PLAAT1: variants seen among roughly 807,000 people sequenced by gnomAD.
PLAAT1 encodes phospholipase A and acyltransferase 1.
In PLAAT1, 13 loss-of-function variants were observed where a neutral mutation model predicts 16.4. That is an observed-to-expected ratio of 0.79 (90% CI 0.52 to 1.26). PLAAT1 has a LOEUF of 1.26. Ranked by LOEUF, PLAAT1 falls within the 50% of genes most tolerant of loss-of-function variation. PLAAT1 has a pLI of 0.00. For synonymous variants in PLAAT1, 73 were observed against 78.4 expected, an observed-to-expected ratio of 0.93 and a Z score of 0.36; for missense variants, 218 against 207.8, an observed-to-expected ratio of 1.05 and a Z score of -0.30.
intron 1 of PLAAT1, among the ~76,000 whole-genome samples, chr3:193,248,083 G>A (rs1006937986): frequency 6.6e-6 from 1 of 151,942 alleles, no homozygotes; most frequent in Non-Finnish European, 1.5e-5. Flanking sequence ...TTATGTATTC[G>A]GTGCTTTGAT....
At chr3:193,245,667 G>A (rs556232516) in intron 1 of PLAAT1, among the ~76,000 whole-genome samples, 6 of 152,286 alleles carry the variant, frequency 3.9e-5, no homozygotes, top group African/African-American at 1.4e-4. Flanking sequence ...CGATATACAA[G>A]GGTTTCCTTT....
intron 2 of PLAAT1, among the ~76,000 whole-genome samples, chr3:193,262,595 T>A (rs965088390): frequency 6.6e-6 from 1 of 152,092 alleles, no homozygotes; most frequent in African/African-American, 2.4e-5. Flanking sequence ...AAAAACTGCC[T>A]TATAGAAAAA....
At chr3:193,254,872 C>G (rs1484016703) in intron 1 of PLAAT1, among the ~76,000 whole-genome samples, 2 of 152,146 alleles carry the variant, frequency 1.3e-5, no homozygotes, top group Admixed American at 6.6e-5. Context: ...CCTATACATG[C>G]TACACTACAC....
intron 1 of PLAAT1, among the ~76,000 whole-genome samples, chr3:193,247,045 T>C (rs1029714881): frequency 6.6e-6 from 1 of 152,200 alleles, no homozygotes; most frequent in Non-Finnish European, 1.5e-5. Flanking sequence ...TTATTATTGG[T>C]CTACTCAGAT....
At chr3:193,240,686 G>GTGTGTGTGTGTGTGTGTGT (rs1715685085), upstream of PLAAT1, among the ~76,000 whole-genome samples, 2 of 47,154 alleles carry the variant, frequency 4.2e-5, no homozygotes, top group African/African-American at 1.7e-4. Context: ...TGTGTGTGTG[G>GTGTGTGTGTGTGTGTGTGT]TTGGAGGTCT....
chr3:193,247,394 A>G (rs1296889383), intron 1 of PLAAT1, among the ~76,000 whole-genome samples: 1 of 152,208 alleles, frequency 6.6e-6, no homozygotes, highest in Non-Finnish European at 1.5e-5. Context: ...TTCACGCCTT[A>G]TACAGATAGG....
intron 1 of PLAAT1, among the ~76,000 whole-genome samples, chr3:193,247,437 CT>C (rs1258791832): frequency 6.6e-6 from 1 of 152,152 alleles, no homozygotes; most frequent in Non-Finnish European, 1.5e-5. Flanking sequence ...ATATAAAGCC[CT>C]TGTATTCAGC....
At chr3:193,279,514 C>T (rs183190609), downstream of PLAAT1, 23 of 1,390,288 alleles carry the variant, frequency 1.7e-5, no homozygotes, top group Admixed American at 1.4e-4. Flanking sequence ...TAATTTGGCA[C>T]ACATTGCAGA....
intron 2 of PLAAT1, among the ~76,000 whole-genome samples, chr3:193,258,887 C>T (rs1023077557): frequency 3.3e-5 from 5 of 152,096 alleles, no homozygotes; most frequent in Admixed American, 3.3e-4. Flanking sequence ...AGGAGGGGCT[C>T]CTTCCTAACT....
At chr3:193,272,585 C>T (rs956318677), downstream of PLAAT1, among the ~76,000 whole-genome samples, 17 of 152,020 alleles carry the variant, frequency 1.1e-4, no homozygotes, top group Admixed American at 3.9e-4. Context: ...AATCTTAACC[C>T]GAAGCAGGGG....
intron 3 of PLAAT1, 78 bp downstream of exon 3, chr3:193,263,313 C>G: frequency 4.3e-6 from 6 of 1,390,266 alleles, no homozygotes; most frequent in Non-Finnish European, 5.9e-6. Context: ...AGGCCTCAAA[C>G]CAAATGAAAA....
chr3:193,263,327 C>T (rs983984312), intron 3 of PLAAT1, 92 bp downstream of exon 3: 10 of 1,229,054 alleles, frequency 8.1e-6, no homozygotes, highest in Admixed American at 7.4e-5. Flanking sequence ...ATGAAAAGAA[C>T]CAGAAAATAC....
chr3:193,240,654 C>CGCGTGTGTGTGTGTGTGT (rs1553803498), upstream of PLAAT1, among the ~76,000 whole-genome samples: 9 of 88,498 alleles, frequency 1.0e-4, no homozygotes, highest in African/African-American at 4.3e-4. Context: ...GGCTATCTGG[C>CGCGTGTGTGTGTGTGTGT]GTGTGTGTGT....
chr3:193,256,281 TAAG>T (rs1716369856), intron 2 of PLAAT1, among the ~76,000 whole-genome samples: 2 of 151,910 alleles, frequency 1.3e-5, no homozygotes, highest in Non-Finnish European at 2.9e-5. Flanking sequence ...ACAGAAAAAA[TAAG>T]AAGGTAGGAT....
At chr3:193,268,636 A>T (rs1008852134) in intron 3 of PLAAT1, among the ~76,000 whole-genome samples, 1 of 152,180 alleles carries the variant, frequency 6.6e-6, no homozygotes, top group Admixed American at 6.5e-5. Flanking sequence ...ATTACATGAG[A>T]TTCATTATCT....
intron 3 of PLAAT1, 107 bp from the exon 4 acceptor site, chr3:193,270,497 T>C: frequency 2.3e-6 from 2 of 871,384 alleles, no homozygotes; most frequent in Non-Finnish European, 1.7e-6. Flanking sequence ...GTATCCATTG[T>C]ACATTAAAAC....
At chr3:193,246,196 T>C (rs549490193) in intron 1 of PLAAT1, among the ~76,000 whole-genome samples, 1 of 152,318 alleles carries the variant, frequency 6.6e-6, no homozygotes, top group African/African-American at 2.4e-5. Context: ...GGGCTTGTCA[T>C]ATATGGCCTT....
downstream of PLAAT1, among the ~76,000 whole-genome samples, chr3:193,280,136 C>T (rs557209942): frequency 6.4e-4 from 98 of 152,098 alleles, no homozygotes; most frequent in Non-Finnish European, 1.2e-3. Flanking sequence ...CTGCAACCTC[C>T]GCCTCCCTGG....
At chr3:193,276,726 GA>G in intron 2 of PLAAT1, 3 of 1,520,132 alleles carry the variant, frequency 2.0e-6, no homozygotes, top group Non-Finnish European at 2.7e-6. Flanking sequence ...TATCTTCCTA[GA>G]AAAAATATAG....
Sources: allele counts gnomAD v4.1 joint callset (sites outside exome capture counted in the v4.1 genomes callset), GRCh38; gene constraint gnomAD v4.1.1; transcripts MANE v1.5; gene names NCBI Gene and HGNC (gene_info 2026-07-23, HGNC 2026-07-21).